Variants in TMEM267 observed in about 807,000 individuals in gnomAD.
TMEM267 encodes transmembrane protein 267, also known as transmembrane protein C5orf28.
TMEM267 carries 20 observed loss-of-function variants against 19.3 expected under a neutral mutation model. The observed-to-expected ratio is 1.04, with a 90% CI of 0.73 to 1.51. The LOEUF is 1.51. Ranked by LOEUF, TMEM267 falls within the 40% of genes most tolerant of loss-of-function variation. The pLI, the probability that TMEM267 is intolerant of heterozygous loss-of-function variation, is 0.00. For synonymous variants in TMEM267, 88 were observed against 90.3 expected (o/e 0.97, Z 0.15); for missense variants, 242 against 261.9 (o/e 0.92, Z 0.52).
chr5:43,483,571 G>C (rs1402660880), intron 1 of TMEM267, among the ~76,000 whole-genome samples: 1 of 152,190 alleles, frequency 6.6e-6, no homozygotes, highest in Admixed American at 6.5e-5. Flanking sequence ...CGCGAAGCCG[G>C]AGGGCGGCGC....
chr5:43,456,411 C>G (rs1473129663), intron 1 of TMEM267, among the ~76,000 whole-genome samples: 1 of 130,232 alleles, frequency 7.7e-6, no homozygotes, highest in African/African-American at 3.5e-5. Flanking sequence ...AAGCTTGATC[C>G]ATTAAAAAAT....
intron 2 of TMEM267, among the ~76,000 whole-genome samples, chr5:43,453,219 G>A (rs1742718404): frequency 6.6e-6 from 1 of 152,152 alleles, no homozygotes; most frequent in Non-Finnish European, 1.5e-5. Flanking sequence ...AACTTTTATG[G>A]AGTACTTAGG....
At chr5:43,470,942 GAATA>G (rs1485137660) in intron 1 of TMEM267, among the ~76,000 whole-genome samples, 4 of 150,706 alleles carry the variant, frequency 2.7e-5, no homozygotes, top group Non-Finnish European at 5.9e-5. Flanking sequence ...AAAGATCAGA[GAATA>G]AATAAATAAA....
chr5:43,456,134 C>G lies in TMEM267; in HGVS notation c.-74-2091G>C, dbSNP rs1048000206. ...TACAGGCATGAGCCATCATGCCCAGCCTGGTCAATTAATTTTTGATAAAGG... is the reference window on the plus strand; with the variant it reads ...TACAGGCATGAGCCATCATGCCCAGGCTGGTCAATTAATTTTTGATAAAGG... On this transcript the variant is annotated intron_variant, in intron 1 of 2. Coordinates refer to ENST00000397080, the MANE Select transcript of TMEM267 (RefSeq NM_022483.5). Among the ~76,000 whole-genome samples the G allele has an allele frequency of 1.4e-4, 21 of 152,230 alleles. No individual in the cohort carries two copies. In the East Asian group the frequency reaches 3.5e-3, roughly 25 times the overall value.
chr5:43,465,999 T>C (rs1198627151), intron 1 of TMEM267, among the ~76,000 whole-genome samples: 1 of 145,372 alleles, frequency 6.9e-6, no homozygotes, highest in African/African-American at 2.6e-5. Context: ...AAGAAAGGAG[T>C]ATATAGGGAA....
At chr5:43,476,835 G>A (rs1244473126) in intron 1 of TMEM267, among the ~76,000 whole-genome samples, 1 of 151,422 alleles carries the variant, frequency 6.6e-6, no homozygotes, top group African/African-American at 2.4e-5. Flanking sequence ...CTCGTTATCA[G>A]CTATGGTTCC....
At chr5:43,471,189 T>C (rs1194101041) in intron 1 of TMEM267, among the ~76,000 whole-genome samples, 1 of 151,978 alleles carries the variant, frequency 6.6e-6, no homozygotes, top group East Asian at 1.9e-4. Flanking sequence ...GTAATTCCAC[T>C]TATAATAGCC....
chr5:43,458,490 C>G (rs1005162215), intron 1 of TMEM267, among the ~76,000 whole-genome samples: 1 of 152,114 alleles, frequency 6.6e-6, no homozygotes, highest in African/African-American at 2.4e-5. Context: ...TGACAGAAAG[C>G]AGATCCATGG....
intron 1 of TMEM267, among the ~76,000 whole-genome samples, chr5:43,473,980 T>A (rs2112182687): frequency 6.6e-6 from 1 of 152,272 alleles, no homozygotes; most frequent in East Asian, 1.9e-4. Context: ...AACCATCTGA[T>A]CTTTGACAAA....
intron 1 of TMEM267, among the ~76,000 whole-genome samples, chr5:43,458,721 CATT>C (rs1213956594): frequency 2.6e-5 from 4 of 151,968 alleles, no homozygotes; most frequent in African/African-American, 9.7e-5. Flanking sequence ...AGGTACACTT[CATT>C]GATTATAAAA....
chr5:43,460,550 A>T (rs1203342239), intron 1 of TMEM267, among the ~76,000 whole-genome samples: 5 of 148,456 alleles, frequency 3.4e-5, no homozygotes, highest in Non-Finnish European at 7.5e-5. Flanking sequence ...AGAAGGGATT[A>T]AAAAAAAAAC....
intron 1 of TMEM267, among the ~76,000 whole-genome samples, chr5:43,463,991 A>G (rs1046691372): frequency 2.0e-5 from 3 of 152,192 alleles, no homozygotes; most frequent in East Asian, 1.9e-4. Context: ...AGGGTATTCA[A>G]TTAGGAAAAG....
At chr5:43,456,838 A>C (rs1484044267) in intron 1 of TMEM267, among the ~76,000 whole-genome samples, 1 of 152,238 alleles carries the variant, frequency 6.6e-6, no homozygotes, top group East Asian at 1.9e-4. Context: ...ACAGTTTTCC[A>C]ATTTCTCAGA....
intron 1 of TMEM267, among the ~76,000 whole-genome samples, chr5:43,457,749 A>G (rs1743034431): frequency 6.6e-6 from 1 of 152,190 alleles, no homozygotes; most frequent in South Asian, 2.1e-4. Context: ...AAACTTACAA[A>G]AACTTAAAAA....
At chr5:43,480,444 G>C (rs1418315420) in intron 1 of TMEM267, among the ~76,000 whole-genome samples, 1 of 151,982 alleles carries the variant, frequency 6.6e-6, no homozygotes, top group African/African-American at 2.4e-5. Context: ...CTCCTGAGTA[G>C]CTGGGACTAC....
chr5:43,471,977 GA>G (rs1413035213), intron 1 of TMEM267, among the ~76,000 whole-genome samples: 2 of 151,764 alleles, frequency 1.3e-5, no homozygotes, highest in African/African-American at 4.8e-5. Context: ...CTGCACAAAG[GA>G]TACAATCAGT....
chr5:43,450,070 C>CT (rs1561184181), intron 2 of TMEM267, among the ~76,000 whole-genome samples: 1 of 151,702 alleles, frequency 6.6e-6, no homozygotes, highest in Non-Finnish European at 1.5e-5. Context: ...TCTTAGCTCA[C>CT]TGTAACCTCA....
At chr5:43,452,294 A>G (rs1282053765) in intron 2 of TMEM267, among the ~76,000 whole-genome samples, 1 of 152,092 alleles carries the variant, frequency 6.6e-6, no homozygotes, top group Non-Finnish European at 1.5e-5. Context: ...TGTCTTGTAC[A>G]GCAACATGGA....
At chr5:43,463,244 A>C (rs1430923519) in intron 1 of TMEM267, among the ~76,000 whole-genome samples, 5 of 152,362 alleles carry the variant, frequency 3.3e-5, no homozygotes, top group African/African-American at 1.2e-4. Flanking sequence ...ACCAAGAAGA[A>C]GTTGAATCAC....
Sources: gnomAD v4.1 joint callset for allele counts (sites outside exome capture counted in the v4.1 genomes callset) on GRCh38, gnomAD v4.1.1 for gene constraint, MANE v1.5 for transcripts, NCBI Gene and HGNC (gene_info 2026-07-23, HGNC 2026-07-21) for gene names.